WAPL: variants seen among roughly 807,000 people sequenced by gnomAD.
WAPL encodes the protein wings apart-like protein homolog.
WAPL carries 5 observed loss-of-function variants against 121.0 expected under a neutral mutation model. That is an observed-to-expected ratio of 0.04 (90% confidence interval 0.02 to 0.09). The LOEUF is 0.09. Among genes scored for constraint, WAPL ranks in the 10% least tolerant of loss-of-function variants. The pLI is 1.00. For missense variants in WAPL, 999 were observed against 1,410.8 expected, an observed-to-expected ratio of 0.71 and a Z score of 4.68; for synonymous variants, 480 against 481.5, an observed-to-expected ratio of 1.00 and a Z score of 0.04.
At chr10:86,499,378 C>T (rs1379317847) in intron 3 of WAPL, among the ~76,000 whole-genome samples, 2 of 152,132 alleles carry the variant, frequency 1.3e-5, no homozygotes, top group East Asian at 1.9e-4. Flanking sequence ...AGTAGCCCCC[C>T]CAGCCATCAA....
intron 16 of WAPL, 116 bp from the exon 17 acceptor site, chr10:86,443,479 C>T: frequency 1.4e-6 from 1 of 691,414 alleles, no homozygotes; most frequent in Non-Finnish European, 2.3e-6. Context: ...ACGAATGATG[C>T]TAGGACAACT....
rs2132216873 is a variant in WAPL at position 86,495,255 on chromosome 10, C to T, written c.1644+1946G>A. On this transcript the variant is annotated intron_variant, in intron 4 of 18. Transcript: ENST00000298767. ...GCCAAGGCAGGCAGATAGCCTGAGC[C>T]TAGGAGTTCAAGACCAGCATGGGCA... Among the ~76,000 whole-genome samples, 2 of 152,096 alleles carry T rather than the reference C, an allele frequency of 1.3e-5. 1 individual carries two copies. The highest frequency in any genetic ancestry group is 3.8e-4 in the East Asian group (2 of 5,196).
At chr10:86,515,932 C>G (rs1842547538) in intron 2 of WAPL, among the ~76,000 whole-genome samples, 1 of 121,446 alleles carries the variant, frequency 8.2e-6, no homozygotes, top group African/African-American at 3.2e-5. Flanking sequence ...GTGGTGCGAT[C>G]TCGGCTCACT....
intron 1 of WAPL, among the ~76,000 whole-genome samples, chr10:86,521,060 T>C (rs1292162668): frequency 1.3e-5 from 2 of 151,996 alleles, no homozygotes; most frequent in East Asian, 3.9e-4. Context: ...ACCGAATCCT[T>C]AAGGCAGTGC....
chr10:86,445,073 T>C (rs945095257), intron 16 of WAPL, among the ~76,000 whole-genome samples: 1 of 152,016 alleles, frequency 6.6e-6, no homozygotes, highest in Admixed American at 6.6e-5. Context: ...AAGCTGAACA[T>C]ATGGTCGTCC....
intron 4 of WAPL, among the ~76,000 whole-genome samples, chr10:86,493,688 C>A (rs990615383): frequency 9.8e-6 from 1 of 102,270 alleles, no homozygotes; most frequent in African/African-American, 3.7e-5. Flanking sequence ...CCACCATGCC[C>A]AACTACATTT....
intron 3 of WAPL, among the ~76,000 whole-genome samples, chr10:86,499,237 TG>T (rs1842201355): frequency 6.6e-6 from 1 of 152,208 alleles, no homozygotes; most frequent in African/African-American, 2.4e-5. Flanking sequence ...CATTAACACT[TG>T]AAATGCTGTA....
chr10:86,444,845 C>T (rs369119183), intron 16 of WAPL, among the ~76,000 whole-genome samples: 35 of 121,980 alleles, frequency 2.9e-4, no homozygotes, highest in Non-Finnish European at 4.9e-4. Flanking sequence ...CTCAATAAAG[C>T]TGTAACTTTT....
intron 2 of WAPL, among the ~76,000 whole-genome samples, chr10:86,516,284 G>C (rs896339575): frequency 1.4e-4 from 21 of 152,074 alleles, no homozygotes; most frequent in Admixed American, 1.2e-3. Context: ...GAGGATCAAG[G>C]GAATGACAAT....
chr10:86,480,312 A>C lies in WAPL; in HGVS notation c.1645-6339T>G, dbSNP rs987832698. On this transcript the variant is annotated intron_variant, in intron 4 of 18. Coordinates refer to ENST00000298767, the MANE Select transcript of WAPL (RefSeq NM_015045.5). ...ACCACTACTGTGAGTAGAACTTCAA[A>C]AGCATAATTGGTAGCCACGGTTTTA... 3.7e-4 allele frequency among the ~76,000 whole-genome samples: 57 copies of C among 152,234 alleles called. 2 individuals carry two copies. The highest frequency in any genetic ancestry group is 8.8e-5 in the Non-Finnish European group (6 of 68,042).
At position 86,453,288 on chromosome 10, in the gene WAPL, C is replaced by A; in HGVS notation, c.2881G>T (p.Ala961Ser). ...GGAACCTGAAGCACACAGTTCAGCG[C>A]TGTGCCTATGAGACCGTCCTGCTCT... Reference protein sequence around the residue: ...TGEQDGLIGTALNCVLQVPKY... With the variant: ...TGEQDGLIGTSLNCVLQVPKY... The change falls in exon 14 of 19, where the codon GCG (alanine) becomes TCG (serine). Residue 961 changes from alanine (A) to serine (S), a missense_variant. Transcript: ENST00000298767. The A allele has an allele frequency of 6.2e-7, 1 of 1,614,152 alleles. No individual in the cohort carries two copies.
intron 2 of WAPL, among the ~76,000 whole-genome samples, chr10:86,503,083 G>A (rs928726962): frequency 1.2e-4 from 19 of 152,058 alleles, no homozygotes; most frequent in East Asian, 5.8e-4. Context: ...GCTTGAACCC[G>A]GGAGGCAGAG....
chr10:86,508,459 G>C (rs1353754642), intron 2 of WAPL, among the ~76,000 whole-genome samples: 1 of 151,864 alleles, frequency 6.6e-6, no homozygotes, highest in Non-Finnish European at 1.5e-5. Flanking sequence ...CCCTCTAGCT[G>C]CCCTTTTTCT....
chr10:86,491,153 T>C (rs978615753), intron 4 of WAPL, among the ~76,000 whole-genome samples: 5 of 145,654 alleles, frequency 3.4e-5, no homozygotes, highest in African/African-American at 1.3e-4. Flanking sequence ...TTTTTTTTTT[T>C]TTTTAAGACG....
rs141078706 is a variant in WAPL, at chr10:86,435,970, T to C, written c.*1573A>G. 2.6e-5 allele frequency: 4 copies of C among 152,478 alleles called. No homozygotes were observed. Among genetic ancestry groups the C allele is most frequent in the East Asian group, 1.9e-4 (1 of 5,190 alleles). 9.4% of individuals were successfully genotyped at this position (152,478 alleles called of 1,614,324 possible). On this transcript the variant is annotated 3_prime_UTR_variant, in exon 19 of 19. Transcript: ENST00000298767. ...ATACTCAGGGCAAATACAATCTCAA[T>C]GGTTCCCACGTTACACTGGCGTACT...
intron 14 of WAPL, among the ~76,000 whole-genome samples, chr10:86,452,418 C>T (rs1225589046): frequency 6.6e-6 from 1 of 151,898 alleles, no homozygotes; most frequent in East Asian, 1.9e-4. Flanking sequence ...ATGGGGAAAC[C>T]CCATCTCTAC....
intron 1 of WAPL, among the ~76,000 whole-genome samples, chr10:86,519,133 C>A (rs547261910): frequency 1.3e-4 from 19 of 146,214 alleles, no homozygotes; most frequent in South Asian, 2.1e-4. Context: ...CTTCACAGGA[C>A]AAAAAAAAAA....
intron 7 of WAPL, among the ~76,000 whole-genome samples, chr10:86,471,776 C>T (rs1315669411): frequency 6.6e-6 from 1 of 152,130 alleles, no homozygotes; most frequent in African/African-American, 2.4e-5. Flanking sequence ...GCTGGAACTA[C>T]AGGCATATGC....
chr10:86,440,444 C>T (rs1216555210), intron 17 of WAPL, among the ~76,000 whole-genome samples: 5 of 131,640 alleles, frequency 3.8e-5, no homozygotes, highest in African/African-American at 1.1e-4. Flanking sequence ...CCCACCACCA[C>T]GCCCGGCTAA....
Sources: gnomAD v4.1 joint callset for allele counts (sites outside exome capture counted in the v4.1 genomes callset) on GRCh38, gnomAD v4.1.1 for gene constraint, MANE v1.5 for transcripts, NCBI Gene and HGNC (gene_info 2026-07-23, HGNC 2026-07-21) for gene names.